Variants in NOS1 observed in about 807,000 individuals in gnomAD.
The protein encoded by NOS1 is nitric oxide synthase 1.
In NOS1, 51 loss-of-function variants were observed where a neutral mutation model predicts 164.5. That is an observed-to-expected ratio of 0.31 (90% CI 0.25 to 0.39). The LOEUF (loss-of-function observed/expected upper bound fraction) is 0.39, where lower values mean the gene tolerates loss of function less well. NOS1 is among the 10% of genes least tolerant of loss of function. The probability of loss-of-function intolerance (pLI) is 1.00; values close to 1 mark genes in which losing one functional copy is unlikely to be tolerated. For missense variants in NOS1, 1,362 were observed against 1,885.6 expected, an observed-to-expected ratio of 0.72 and a Z score of 5.14; for synonymous variants, 719 against 745.8, an observed-to-expected ratio of 0.96 and a Z score of 0.59.
intron 8 of NOS1, among the ~76,000 whole-genome samples, chr12:117,280,030 G>A (rs1207119470): frequency 6.6e-6 from 1 of 152,214 alleles, no homozygotes; most frequent in African/African-American, 2.4e-5. Context: ...TAGCAGGCCT[G>A]TGTGCCTGAG....
At chr12:117,254,686 T>C (rs1592954883) in intron 16 of NOS1, among the ~76,000 whole-genome samples, 1 of 152,316 alleles carries the variant, frequency 6.6e-6, no homozygotes, top group East Asian at 1.9e-4. Flanking sequence ...GTGATTCTGA[T>C]GTGCATTCAG....
At chr12:117,325,315 A>G (rs903763878) in intron 2 of NOS1, among the ~76,000 whole-genome samples, 2 of 152,206 alleles carry the variant, frequency 1.3e-5, no homozygotes, top group Non-Finnish European at 2.9e-5. Flanking sequence ...ACCCCGAAGA[A>G]CATTCTAGCT....
At chr12:117,348,087 G>A (rs887102188) in intron 1 of NOS1, 5 of 135,688 alleles carry the variant, frequency 3.7e-5, no homozygotes, top group Admixed American at 1.6e-4. Context: ...TCTTTATCTC[G>A]TGTTGCACCA....
At chr12:117,232,285 A>T (rs1869307284) in intron 21 of NOS1, among the ~76,000 whole-genome samples, 154 bp from the exon 22 acceptor site, 1 of 152,168 alleles carries the variant, frequency 6.6e-6, no homozygotes, top group Non-Finnish European at 1.5e-5. Flanking sequence ...CCATGCCCAG[A>T]ATCCAGGGGA....
In NOS1 at chr12:117,242,839, C is replaced by T. The variant is rs1337205666; in HGVS notation, c.2963-134G>A. Reference sequence around the variant, plus strand: ...GCTGAGGTGGGAGGATCACTTGAGGCCAGGGGTTCAAGACCAGCCTGGGAA... The same window carrying T: ...GCTGAGGTGGGAGGATCACTTGAGGTCAGGGGTTCAAGACCAGCCTGGGAA... On this transcript the variant is annotated intron_variant, in intron 19 of 28. Coordinates refer to ENST00000317775, the MANE Select transcript of NOS1 (RefSeq NM_000620.5). 8.1e-6 allele frequency: 6 copies of T among 739,764 alleles called. No individual in the cohort carries two copies. The Admixed American group carries it at 8.6e-5, about 11-fold the overall frequency. 45.8% of individuals were successfully genotyped at this position (739,764 alleles called of 1,614,324 possible).
At chr12:117,359,876 T>TTTTA (rs1566090779) in intron 1 of NOS1, among the ~76,000 whole-genome samples, 19 of 36,964 alleles carry the variant, frequency 5.1e-4, no homozygotes, top group Non-Finnish European at 7.3e-4. Context: ...AATAATGGTT[T>TTTTA]TATATATATA....
intron 1 of NOS1, among the ~76,000 whole-genome samples, chr12:117,338,487 T>C (rs1381156465): frequency 7.3e-6 from 1 of 136,230 alleles, no homozygotes; most frequent in African/African-American, 2.7e-5. Flanking sequence ...GGGGGAGGGA[T>C]AGCATTAGGA....
At chr12:117,293,960 C>G (rs909017405) in intron 3 of NOS1, among the ~76,000 whole-genome samples, 1 of 152,156 alleles carries the variant, frequency 6.6e-6, no homozygotes, top group Admixed American at 6.5e-5. Flanking sequence ...CCTGTCTCCC[C>G]TCCTGTGTCT....
intron 2 of NOS1, among the ~76,000 whole-genome samples, chr12:117,319,181 A>G (rs1874797852): frequency 6.6e-6 from 1 of 152,164 alleles, no homozygotes; most frequent in Non-Finnish European, 1.5e-5. Flanking sequence ...TTTCCTGAGT[A>G]GTAGGGATTA....
chr12:117,360,324 C>T (rs1407141909), intron 1 of NOS1, among the ~76,000 whole-genome samples: 1 of 152,144 alleles, frequency 6.6e-6, no homozygotes, highest in Non-Finnish European at 1.5e-5. Context: ...CTTCCGGGAC[C>T]TCGGACGCAA....
intron 10 of NOS1, among the ~76,000 whole-genome samples, chr12:117,271,484 G>A (rs1194191307): frequency 1.3e-5 from 2 of 152,124 alleles, no homozygotes; most frequent in Non-Finnish European, 2.9e-5. Context: ...CACCAAGTTG[G>A]TCAGGCTGGT....
chr12:117,246,187 T>G (rs1870601995), intron 18 of NOS1: 1 of 156,996 alleles, frequency 6.4e-6, no homozygotes, highest in South Asian at 2.1e-4. Flanking sequence ...AAATTCTACT[T>G]TGCTTCCCCA....
rs748699572 is a variant in NOS1 at position 117,222,710 on chromosome 12, G to T, written c.3975+5C>A. On this transcript the variant is annotated splice_donor_5th_base_variant and intron_variant, in intron 26 of 28. Transcript: ENST00000317775. ...TGGGCTAGGGGGTGGGCTGCTGGGGGTTACCTTTGGTTTGTCTGGCTCCCG... is the reference window on the plus strand; with the variant it reads ...TGGGCTAGGGGGTGGGCTGCTGGGGTTTACCTTTGGTTTGTCTGGCTCCCG... The T allele has an allele frequency of 6.2e-7, 1 of 1,613,442 alleles. No homozygotes were observed. Among genetic ancestry groups the T allele is most frequent in the African/African-American group, 1.3e-5 (1 of 74,848 alleles).
rs80260492 is a variant in NOS1 at position 117,356,745 on chromosome 12, A to G, written c.-421+4767T>C. Among the ~76,000 whole-genome samples the G allele has an allele frequency of 5.8e-4, 88 of 152,344 alleles. 2 individuals are homozygous for G. In the East Asian group the frequency reaches 0.015, roughly 26 times the overall value. The stretch of plus-strand genomic sequence containing the variant: ...ACTATACCCTGTTAACCATACTTGA[A>G]TTAGAGACTTAGGGGCACTTTCTGT... On this transcript the variant is annotated intron_variant, in intron 1 of 28. Coordinates refer to ENST00000317775, the MANE Select transcript of NOS1 (RefSeq NM_000620.5). The surrounding 1 kb of genome is among the most constrained non-coding windows in gnomAD (Gnocchi z 4.2).
At chr12:117,325,369 G>A (rs563071286) in intron 2 of NOS1, among the ~76,000 whole-genome samples, 1 of 152,250 alleles carries the variant, frequency 6.6e-6, no homozygotes, top group East Asian at 1.9e-4. Context: ...GCCTAAAGAG[G>A]TCCTTATTTC....
At chr12:117,355,776 T>C (rs1876826137) in intron 1 of NOS1, among the ~76,000 whole-genome samples, 1 of 152,204 alleles carries the variant, frequency 6.6e-6, no homozygotes, top group Admixed American at 6.5e-5. Context: ...TTATGTATTT[T>C]CGAGACAGGT....
intron 7 of NOS1, among the ~76,000 whole-genome samples, chr12:117,281,200 G>A (rs1259742349): frequency 1.3e-5 from 2 of 152,154 alleles, no homozygotes; most frequent in African/African-American, 2.4e-5. Context: ...TCATTTCCAC[G>A]GAAACATCAG....
intron 1 of NOS1, among the ~76,000 whole-genome samples, chr12:117,343,083 C>A (rs1466579316): frequency 6.6e-6 from 1 of 151,754 alleles, no homozygotes; most frequent in African/African-American, 2.4e-5. Context: ...AATCCCAGCA[C>A]TTTGGGAGGC....
At chr12:117,323,805 A>G (rs1447181419) in intron 2 of NOS1, among the ~76,000 whole-genome samples, 1 of 152,098 alleles carries the variant, frequency 6.6e-6, no homozygotes, top group African/African-American at 2.4e-5. Context: ...ATTTTGAGAC[A>G]GAATTTGACT....
Sources: allele counts gnomAD v4.1 joint callset (sites outside exome capture counted in the v4.1 genomes callset), GRCh38; gene constraint gnomAD v4.1.1; non-coding constraint Gnocchi (gnomAD v3.1); transcripts MANE v1.5; gene names NCBI Gene and HGNC (gene_info 2026-07-23, HGNC 2026-07-21).